Variants in CDH18 observed in about 807,000 individuals in gnomAD.
CDH18 encodes the protein cadherin 18.
CDH18 carries 31 observed loss-of-function variants against 67.9 expected under a neutral mutation model. That is an observed-to-expected ratio of 0.46 (90% CI 0.34 to 0.62). CDH18 has a LOEUF of 0.62. Among genes scored for constraint, CDH18 ranks in the 20% least tolerant of loss-of-function variants. The pLI is 0.01. For missense variants in CDH18, 890 were observed against 975.5 expected (o/e 0.91, Z 1.17); for synonymous variants, 362 against 347.2 (o/e 1.04, Z -0.48).
At chr5:20,098,510 C>A (rs1746180085) in intron 2 of CDH18, among the ~76,000 whole-genome samples, 1 of 152,042 alleles carries the variant, frequency 6.6e-6, no homozygotes, top group Non-Finnish European at 1.5e-5. Context: ...ATCCTGACAA[C>A]CAGCATTCTC....
intron 11 of CDH18, among the ~76,000 whole-genome samples, chr5:19,485,803 A>C (rs1476280892): frequency 2.0e-5 from 3 of 152,218 alleles, no homozygotes; most frequent in Non-Finnish European, 4.4e-5. Context: ...TCTGAAAAAG[A>C]GATGTGAGAC....
At chr5:20,256,949 C>T (rs1744281680) in intron 1 of CDH18, among the ~76,000 whole-genome samples, 1 of 134,790 alleles carries the variant, frequency 7.4e-6, no homozygotes, top group Non-Finnish European at 1.7e-5. Context: ...ATCTATCTAT[C>T]TATCTATCTA....
intron 3 of CDH18, among the ~76,000 whole-genome samples, chr5:19,782,891 G>A (rs1775289837): frequency 2.0e-5 from 3 of 152,056 alleles, no homozygotes; most frequent in Admixed American, 1.3e-4. Context: ...AGCTAATGAG[G>A]ACTAGATTTT....
chr5:19,748,482 A>G (rs1770425454), intron 3 of CDH18, among the ~76,000 whole-genome samples: 1 of 152,170 alleles, frequency 6.6e-6, no homozygotes, highest in Admixed American at 6.5e-5. Context: ...CTATATTTCT[A>G]GCTAGAAATA....
intron 1 of CDH18, among the ~76,000 whole-genome samples, chr5:20,408,422 A>G (rs1445209916): frequency 1.3e-5 from 2 of 152,018 alleles, no homozygotes; most frequent in Non-Finnish European, 2.9e-5. Context: ...GAGGTAAAAT[A>G]AAAAGAGATA....
At chr5:20,522,856 T>C (rs753562863) in intron 1 of CDH18, among the ~76,000 whole-genome samples, 40 of 152,240 alleles carry the variant, frequency 2.6e-4, no homozygotes, top group Non-Finnish European at 4.1e-4. Context: ...GTAAAGCACA[T>C]TGAGGAATAA....
intron 1 of CDH18, among the ~76,000 whole-genome samples, chr5:20,530,430 G>A (rs1002175708): frequency 6.6e-6 from 1 of 151,790 alleles, no homozygotes; most frequent in African/African-American, 2.4e-5. Context: ...ATATAGCCAG[G>A]ACAATCCTAA....
intron 1 of CDH18, among the ~76,000 whole-genome samples, chr5:20,396,526 C>T (rs747299495): frequency 2.0e-5 from 3 of 151,610 alleles, no homozygotes; most frequent in Non-Finnish European, 2.9e-5. Context: ...ATAATAAATG[C>T]TGATTAATGT....
chr5:19,709,032 A>ATAAC (rs1764349273), intron 5 of CDH18, among the ~76,000 whole-genome samples: 2 of 151,700 alleles, frequency 1.3e-5, no homozygotes, highest in African/African-American at 4.9e-5. Flanking sequence ...AAATAAATAA[A>ATAAC]TAACTTTCCT....
chr5:19,601,114 T>G (rs1291426953), intron 6 of CDH18, among the ~76,000 whole-genome samples: 1 of 152,190 alleles, frequency 6.6e-6, no homozygotes, highest in Non-Finnish European at 1.5e-5. Context: ...GTGTTTCAAC[T>G]TGCTCTTGCC....
At chr5:20,469,211 A>G (rs1472469863) in intron 1 of CDH18, among the ~76,000 whole-genome samples, 3 of 152,344 alleles carry the variant, frequency 2.0e-5, no homozygotes, top group Non-Finnish European at 2.9e-5. Flanking sequence ...TGAATTGCAC[A>G]TAGCGAACAA....
chr5:20,431,902 C>T (rs1305840665), intron 1 of CDH18, among the ~76,000 whole-genome samples: 1 of 152,088 alleles, frequency 6.6e-6, no homozygotes, highest in Non-Finnish European at 1.5e-5. Context: ...TTTTATCCAC[C>T]AGGCAGTATC....
intron 5 of CDH18, among the ~76,000 whole-genome samples, chr5:19,697,421 A>G (rs1219528018): frequency 2.6e-5 from 4 of 152,186 alleles, no homozygotes; most frequent in Non-Finnish European, 5.9e-5. Context: ...GACTGTAGGC[A>G]TATTGGTTAT....
At chr5:20,299,527 G>A (rs1029875542) in intron 1 of CDH18, among the ~76,000 whole-genome samples, 7 of 151,810 alleles carry the variant, frequency 4.6e-5, no homozygotes, top group Non-Finnish European at 5.9e-5. Flanking sequence ...TTGGGAGCCC[G>A]ATGCAGGCAG....
At chr5:20,204,118 CAT>C (rs1429110862) in intron 2 of CDH18, among the ~76,000 whole-genome samples, 1 of 151,900 alleles carries the variant, frequency 6.6e-6, no homozygotes, top group African/African-American at 2.4e-5. Flanking sequence ...ACTTGAGAAA[CAT>C]ATACACATCC....
intron 2 of CDH18, among the ~76,000 whole-genome samples, chr5:19,994,498 G>A (rs1735726885): frequency 6.7e-6 from 1 of 149,370 alleles, no homozygotes; most frequent in Admixed American, 6.7e-5. Flanking sequence ...TTTTTCCTGG[G>A]TCTCTGACTA....
intron 2 of CDH18, among the ~76,000 whole-genome samples, chr5:19,885,241 T>A (rs527758726): frequency 1.3e-5 from 2 of 152,288 alleles, no homozygotes; most frequent in Admixed American, 1.3e-4. Flanking sequence ...ACCTTCATCT[T>A]AACTTGTACA....
chr5:19,857,516 C>T (rs145212182), intron 2 of CDH18, among the ~76,000 whole-genome samples: 29 of 152,198 alleles, frequency 1.9e-4, no homozygotes, highest in African/African-American at 6.3e-4. Flanking sequence ...AGACATAACA[C>T]AGACATACTC....
At chr5:20,332,622 A>G (rs576680839) in intron 1 of CDH18, among the ~76,000 whole-genome samples, 18 of 152,360 alleles carry the variant, frequency 1.2e-4, no homozygotes, top group African/African-American at 4.3e-4. Flanking sequence ...TGTTACAAAG[A>G]AGAGTTGAGT....
Sources: allele counts gnomAD v4.1 joint callset (sites outside exome capture counted in the v4.1 genomes callset), GRCh38; gene constraint gnomAD v4.1.1; transcripts MANE v1.5; gene names NCBI Gene and HGNC (gene_info 2026-07-23, HGNC 2026-07-21).